SMAGP: variants seen among roughly 807,000 people sequenced by gnomAD.
The protein encoded by SMAGP is small cell transmembrane and glycosylated protein.
In SMAGP, 7 loss-of-function variants were observed where a neutral mutation model predicts 10.1. That is an observed-to-expected ratio of 0.70 (90% CI 0.40 to 1.31). The LOEUF is 1.31. Ranked by LOEUF, SMAGP falls within the 50% of genes most tolerant of loss-of-function variation. The pLI is 0.01. For synonymous variants in SMAGP, 49 were observed against 47.2 expected, an observed-to-expected ratio of 1.04 and a Z score of -0.16; for missense variants, 113 against 116.5, an observed-to-expected ratio of 0.97 and a Z score of 0.14.
At chr12:51,246,478 C>T in intron 3 of SMAGP, 1 of 431,928 alleles carries the variant, frequency 2.3e-6, no homozygotes, top group South Asian at 5.2e-5. Context: ...CTCAACCAAC[C>T]ACATATATCC....
At chr12:51,268,586 T>TCCTCCCTC (rs148755148) in intron 2 of SMAGP, among the ~76,000 whole-genome samples, 9 of 138,010 alleles carry the variant, frequency 6.5e-5, no homozygotes, top group African/African-American at 2.2e-4. Context: ...TCCTTTCCTT[T>TCCTCCCTC]CCTCCCTCCC....
rs1192991202 is a variant in SMAGP, at chr12:51,269,292, T to C, written c.-14A>G. 3 of 1,613,780 alleles carry C rather than the reference T, an allele frequency of 1.9e-6. No individual in the cohort carries two copies. The highest frequency in any genetic ancestry group is 2.5e-6 in the Non-Finnish European group (3 of 1,179,800). On this transcript the variant is annotated 5_prime_UTR_variant, in exon 2 of 4. Coordinates refer to ENST00000603798, the MANE Select transcript of SMAGP (RefSeq NM_001031628.2). The stretch of plus-strand genomic sequence containing the variant: ...GAGGCTGGTCATTGTCACTAGTGGT[T>C]GAGTTTCTTGGAGAAGAGGCAGATC...
chr12:51,249,023 T>C (rs1456763967), intron 2 of SMAGP, among the ~76,000 whole-genome samples: 2 of 150,516 alleles, frequency 1.3e-5, no homozygotes, highest in Non-Finnish European at 1.5e-5. Flanking sequence ...GAGGTCGCAG[T>C]GAGCTGAGAT....
Position 51,269,227 on chromosome 12 carries a change from G to A in SMAGP, c.34+18C>T. The A allele has an allele frequency of 1.2e-6, 2 of 1,613,740 alleles. No individual in the cohort carries two copies. Among genetic ancestry groups the A allele is most frequent in the Non-Finnish European group, 1.7e-6 (2 of 1,179,698 alleles). On this transcript the variant is annotated intron_variant, in intron 2 of 3. Coordinates refer to ENST00000603798, the MANE Select transcript of SMAGP (RefSeq NM_001031628.2). ...GAACAATTCTTTCTCACTGGGATTA[G>A]GAAAGGCCTTCACCTACCTCTTGGA...
rs1472197211 is a variant in SMAGP at position 51,268,061 on chromosome 12, G to C, written c.34+1184C>G. 2.6e-5 allele frequency among the ~76,000 whole-genome samples: 4 copies of C among 152,294 alleles called. 1 individual carries two copies. In the South Asian group the frequency reaches 8.3e-4, roughly 32 times the overall value. On this transcript the variant is annotated intron_variant, in intron 2 of 3. Coordinates refer to ENST00000603798, the MANE Select transcript of SMAGP (RefSeq NM_001031628.2). ...AATAACTGATAGTTTGTCCGGCCCA[G>C]CCTGATGATGAACTAAAAGGTGGGC...
intron 2 of SMAGP, among the ~76,000 whole-genome samples, chr12:51,251,307 G>A (rs190162914): frequency 4.2e-4 from 64 of 151,796 alleles, no homozygotes; most frequent in African/African-American, 1.4e-3. Flanking sequence ...GAGGCTGGGT[G>A]CAGTGGCTCA....
At chr12:51,251,176 G>C (rs544399599) in intron 2 of SMAGP, among the ~76,000 whole-genome samples, 17 of 152,328 alleles carry the variant, frequency 1.1e-4, no homozygotes, top group African/African-American at 4.1e-4. Context: ...GCTCACGCCT[G>C]TAATCCCAAC....
intron 1 of SMAGP, chr12:51,269,876 T>C (rs1945012088): frequency 6.6e-6 from 1 of 152,144 alleles, no homozygotes; most frequent in South Asian, 2.1e-4. Flanking sequence ...CCGGGCCTGC[T>C]TTCGCCGTCC....
intron 2 of SMAGP, among the ~76,000 whole-genome samples, chr12:51,256,738 AAAC>A (rs1258996017): frequency 6.0e-5 from 3 of 50,382 alleles, no homozygotes; most frequent in Admixed American, 1.9e-4. Flanking sequence ...ACAAACAAAC[AAAC>A]AAAAAAAACA....
intron 2 of SMAGP, among the ~76,000 whole-genome samples, chr12:51,261,317 G>A (rs541145931): frequency 4.0e-5 from 6 of 151,888 alleles, no homozygotes; most frequent in Non-Finnish European, 7.4e-5. Flanking sequence ...GGCTGGTCTC[G>A]AACTCTTGAC....
Position 51,246,521 on chromosome 12 carries a change from C to T in SMAGP, c.115+230G>A, listed in dbSNP as rs554269029. The T allele has an allele frequency of 2.7e-4, 122 of 453,756 alleles. 3 individuals are homozygous for T. The South Asian group carries it at 4.9e-3, about 18-fold the overall frequency. The allele number at this position is 453,756 out of a possible 1,614,324, so 28.1% of individuals were successfully genotyped here. Reference sequence around the variant, plus strand: ...TACCCACGTACTCAAGTGTAACGTCCGTATGCATATCTATTTGCGGCCACC... The same window carrying T: ...TACCCACGTACTCAAGTGTAACGTCTGTATGCATATCTATTTGCGGCCACC... On this transcript the variant is annotated intron_variant, in intron 3 of 3. Coordinates refer to ENST00000603798, the MANE Select transcript of SMAGP (RefSeq NM_001031628.2).
Position 51,245,785 on chromosome 12 carries a change from A to G in SMAGP, c.*156T>C, listed in dbSNP as rs1944759943. The G allele has an allele frequency of 2.7e-6, 2 of 737,912 alleles. No individual in the cohort carries two copies. The highest frequency in any genetic ancestry group is 4.0e-5 in the South Asian group (2 of 49,414). The allele number at this position is 737,912 out of a possible 1,614,324, so 45.7% of individuals were successfully genotyped here. A position where few individuals can be genotyped will look rare whatever the true frequency, so the allele number is the denominator to read the frequency against. ...CTCCATGTCCCTGGTCCCTGGAGTC[A>G]GTGATGTCGGCATTTGGGACTGCGA... is the stretch of plus-strand genomic sequence containing the variant. On this transcript the variant is annotated 3_prime_UTR_variant, in exon 4 of 4. Coordinates refer to ENST00000603798, the MANE Select transcript of SMAGP (RefSeq NM_001031628.2).
At chr12:51,246,204 TTTTCGTAAAGATCCTCTTGTTTTCA>T in intron 3 of SMAGP, 85 bp from the exon 4 acceptor site, 1 of 1,540,968 alleles carries the variant, frequency 6.5e-7, no homozygotes, top group Non-Finnish European at 8.8e-7. Context: ...TTAGTCACTG[TTTTCGTAAAGATCCTCTTGTTTTCA>T]TTAACTAGTG....
chr12:51,246,604 C>CTGTG (rs59561227), intron 3 of SMAGP, 147 bp downstream of exon 3: 126,271 of 335,044 alleles, frequency 0.38, 17,285 homozygotes, highest in Non-Finnish European at 0.42. Context: ...TCTTTTATGG[C>CTGTG]TGTGTGTGTG....
intron 3 of SMAGP, 158 bp from the exon 4 acceptor site, chr12:51,246,277 C>CAATT: frequency 9.6e-7 from 1 of 1,041,788 alleles, no homozygotes; most frequent in Non-Finnish European, 1.4e-6. Context: ...CCACCAACCC[C>CAATT]AATTTCCATG....
chr12:51,246,732 T>A lies in SMAGP; in HGVS notation c.115+19A>T. ...CCTTGATCCAGAAGGTCCCTTGGAG[T>A]TGGCTCAGAGTCTATTACCTGCAAT... On this transcript the variant is annotated intron_variant, in intron 3 of 3. Transcript: ENST00000603798. 1 of 1,536,620 alleles carries A rather than the reference T, an allele frequency of 6.5e-7. No homozygotes were observed. Among genetic ancestry groups the A allele is most frequent in the Non-Finnish European group, 8.8e-7 (1 of 1,140,722 alleles).
chr12:51,248,642 C>G (rs1006011809), intron 2 of SMAGP, among the ~76,000 whole-genome samples: 2 of 152,142 alleles, frequency 1.3e-5, no homozygotes, highest in African/African-American at 4.8e-5. Flanking sequence ...TCTTCCTCTG[C>G]CTTTCCCATA....
intron 2 of SMAGP, among the ~76,000 whole-genome samples, chr12:51,248,399 T>TACACACAC (rs71443213): frequency 2.3e-4 from 31 of 132,370 alleles, no homozygotes; most frequent in African/African-American, 6.2e-4. Context: ...TGTGGTGTTT[T>TACACACAC]ACACACACAC....
At chr12:51,259,007 A>G (rs1267650617) in intron 2 of SMAGP, among the ~76,000 whole-genome samples, 1 of 149,976 alleles carries the variant, frequency 6.7e-6, no homozygotes, top group Non-Finnish European at 1.5e-5. Flanking sequence ...AAAAAAAAAA[A>G]AAAACCTGAT....
Sources: gnomAD v4.1 joint callset for allele counts (sites outside exome capture counted in the v4.1 genomes callset) on GRCh38, gnomAD v4.1.1 for gene constraint, MANE v1.5 for transcripts, NCBI Gene and HGNC (gene_info 2026-07-23, HGNC 2026-07-21) for gene names.